Variants in DNAH12 observed in about 807,000 individuals in gnomAD.
DNAH12 encodes axonemal beta dynein heavy chain 12.
A neutral mutation model predicts 371.5 loss-of-function variants in DNAH12; 285 were observed. The observed-to-expected ratio is 0.77, with a 90% CI of 0.70 to 0.85. DNAH12 has a LOEUF of 0.85. Among genes scored for constraint, DNAH12 ranks in the 40% least tolerant of loss-of-function variants. The probability of loss-of-function intolerance (pLI) is 0.00; values close to 1 mark genes in which losing one functional copy is unlikely to be tolerated. For synonymous variants in DNAH12, 1,200 were observed against 1,213.0 expected, an observed-to-expected ratio of 0.99 and a Z score of 0.22; for missense variants, 3,611 against 3,689.4, an observed-to-expected ratio of 0.98 and a Z score of 0.55.
chr3:57,308,685 G>C (rs1486915444), intron 69 of DNAH12, among the ~76,000 whole-genome samples: 2 of 151,982 alleles, frequency 1.3e-5, no homozygotes, highest in African/African-American at 2.4e-5. Flanking sequence ...ATATCTCCTG[G>C]TGCTATCCCC....
intron 60 of DNAH12, among the ~76,000 whole-genome samples, chr3:57,336,779 A>G (rs2062233912): frequency 6.6e-6 from 1 of 152,220 alleles, no homozygotes. Flanking sequence ...AACAAACTGA[A>G]AATCAGCAAC....
chr3:57,505,201 C>A (rs1443251975), intron 8 of DNAH12, among the ~76,000 whole-genome samples: 1 of 151,478 alleles, frequency 6.6e-6, no homozygotes, highest in Admixed American at 6.6e-5. Context: ...TCCATTCTTT[C>A]CAACTTTTTT....
Position 57,459,687 on chromosome 3 carries a change from C to T in DNAH12, c.2836G>A (p.Asp946Asn). The change falls in exon 20 of 74, where the codon GAT (aspartate) becomes AAT (asparagine). Residue 946 changes from aspartate (D) to asparagine (N), a missense_variant. Asp to Asn is a conservative substitution (Grantham distance 23). Transcript: ENST00000495027. The part of the protein sequence containing the change: ...LYLEPIFCSE[D>N]IMQQMPEEGR... ...TCTTCTGGCATCTGTTGCATGATAT[C>T]CTCAGAACAAAAGATGGGCTCTAAG... The T allele has an allele frequency of 6.5e-7, 1 of 1,549,600 alleles. No individual in the cohort carries two copies. Among genetic ancestry groups the T allele is most frequent in the Non-Finnish European group, 8.7e-7 (1 of 1,145,612 alleles).
upstream of DNAH12, among the ~76,000 whole-genome samples, chr3:57,546,838 T>C (rs1485836037): frequency 6.6e-6 from 1 of 152,080 alleles, no homozygotes. Flanking sequence ...CCTGACTCAA[T>C]CAGTAGAAAT....
Position 57,363,767 on chromosome 3 carries a change from G to C in DNAH12, c.9187C>G (p.Arg3063Gly), listed in dbSNP as rs1284315963. 1 of 151,948 alleles carries C rather than the reference G, an allele frequency of 6.6e-6. No individual in the cohort carries two copies. Among genetic ancestry groups the C allele is most frequent in the African/African-American group, 2.4e-5 (1 of 41,374 alleles). The allele number at this position is 151,948 out of a possible 1,614,324, so 9.4% of individuals were successfully genotyped here. Residue 3063 changes from arginine (R) to glycine (G), a missense_variant, in exon 58 of 74, where the codon CGA (arginine) becomes GGA (glycine). Physicochemically the swap from Arg to Gly is moderately radical, Grantham distance 125. Around this residue, in one of 3 missense-constraint regions of DNAH12, gnomAD observed 2,266 missense variants for 2,236.9 expected, o/e 1.01. Coordinates refer to ENST00000495027, the MANE Select transcript of DNAH12 (RefSeq NM_001366028.2). ...AKERPELEEERNALILQSAAN... is the reference protein window; with the variant it reads ...AKERPELEEEGNALILQSAAN... The stretch of plus-strand genomic sequence containing the variant: ...GCAGACTGAAGAATCAGGGCATTTC[G>C]TTCCTCTTCTAATTCTGGTCTAAAA...
At chr3:57,360,776 G>C (rs2062909441) in intron 58 of DNAH12, among the ~76,000 whole-genome samples, 1 of 152,198 alleles carries the variant, frequency 6.6e-6, no homozygotes, top group African/African-American at 2.4e-5. Context: ...TGAGTAATTA[G>C]TGCAATCTCT....
rs1369174219 is a variant in DNAH12 at position 57,408,470 on chromosome 3, G to A, written c.6086C>T (p.Pro2029Leu). Reference sequence around the variant, plus strand: ...AACTGGATTTCTTCCACCACCTGGAGGGCCCATTGCAGCAATCAGCTCTAT... The same window carrying A: ...AACTGGATTTCTTCCACCACCTGGAAGGCCCATTGCAGCAATCAGCTCTAT... ...VDIELIAAMG[P>L]PGGGRNPVTP... is the part of the protein sequence containing the mutation. Residue 2029 changes from proline (P) to leucine (L), a missense_variant, in exon 40 of 74, where the codon CCT (proline) becomes CTT (leucine). This residue lies in a region of DNAH12 where 2,266 missense variants were observed against 2,236.9 expected (regional missense o/e 1.01). Coordinates refer to ENST00000495027, the MANE Select transcript of DNAH12 (RefSeq NM_001366028.2). 1.9e-6 allele frequency: 3 copies of A among 1,551,416 alleles called. No homozygotes were observed. Among genetic ancestry groups the A allele is most frequent in the African/African-American group, 2.7e-5 (2 of 73,038 alleles).
At chr3:57,433,927 T>C (rs756835059) in intron 30 of DNAH12, 99 bp from the exon 31 acceptor site, 94 of 1,060,044 alleles carry the variant, frequency 8.9e-5, no homozygotes, top group Non-Finnish European at 1.1e-4. Context: ...TTACTACTTA[T>C]AATTTTTGAA....
In DNAH12 at chr3:57,504,001, G is replaced by T. The variant is rs780161052; in HGVS notation, c.1086+15C>A. ...ATAATTTAAAATTCTTTCCCGATGG[G>T]TAAAGATGTAATACCTGCAGAGCTT... On this transcript the variant is annotated intron_variant, in intron 9 of 73. Coordinates refer to ENST00000495027, the MANE Select transcript of DNAH12 (RefSeq NM_001366028.2). The T allele has an allele frequency of 6.2e-7, 1 of 1,601,152 alleles. No individual in the cohort carries two copies. The highest frequency in any genetic ancestry group is 2.2e-5 in the East Asian group (1 of 44,636).
At chr3:57,432,819 T>G (rs1372000761) in intron 32 of DNAH12, among the ~76,000 whole-genome samples, 2 of 152,178 alleles carry the variant, frequency 1.3e-5, no homozygotes, top group Non-Finnish European at 2.9e-5. Context: ...GTGTCATTTT[T>G]TAGGTGATGA....
In DNAH12 at chr3:57,387,186, C is replaced by A. The variant is rs1367435898; in HGVS notation, c.7339G>T (p.Val2447Leu). The A allele has an allele frequency of 1.3e-5, 2 of 152,160 alleles. No individual in the cohort carries two copies. The highest frequency in any genetic ancestry group is 2.9e-5 in the Non-Finnish European group (2 of 68,038). The allele number at this position is 152,160 out of a possible 1,614,324, so 9.4% of individuals were successfully genotyped here. Residue 2447 changes from valine (V) to leucine (L), a missense_variant, in exon 46 of 74, where the codon GTG becomes TTG. Val to Leu is a conservative substitution (Grantham distance 32). Coordinates refer to ENST00000495027, the MANE Select transcript of DNAH12 (RefSeq NM_001366028.2). ...AGCTCCAGTGTTTCTAAGAATTTCA[C>A]AGCTACACGTTCAAGAGCATCTTCA... Reference protein sequence around the residue: ...WPEDALERVAVKFLETLELTE... With the variant: ...WPEDALERVALKFLETLELTE...
intron 58 of DNAH12, among the ~76,000 whole-genome samples, chr3:57,359,609 A>G (rs958426038): frequency 3.3e-5 from 5 of 151,138 alleles, no homozygotes; most frequent in Non-Finnish European, 7.4e-5. Context: ...CTGTGAGTAT[A>G]TGTTAAGATG....
intron 13 of DNAH12, among the ~76,000 whole-genome samples, chr3:57,479,123 G>A (rs2066642774): frequency 7.1e-6 from 1 of 141,086 alleles, no homozygotes; most frequent in East Asian, 2.0e-4. Context: ...AAAAGACACA[G>A]ACTGGCAAAT....
rs1418375408 is a variant in DNAH12, at chr3:57,458,235, T to G, written c.2932-15A>C. ...GCAGCAAGAACCTAAACGAGACACA[T>G]GCATTCAAGTCAGCACTTTTATGCC... On this transcript the variant is annotated splice_polypyrimidine_tract_variant and intron_variant, in intron 20 of 73. Transcript: ENST00000495027. The G allele has an allele frequency of 1.4e-5, 21 of 1,536,814 alleles. No individual in the cohort carries two copies. Among genetic ancestry groups the G allele is most frequent in the Non-Finnish European group, 1.7e-5 (19 of 1,143,190 alleles).
rs1313471157 is a variant in DNAH12 at position 57,394,244 on chromosome 3, T to A, written c.7037A>T (p.Asp2346Val). ...TQIKEEAFLE[D>V]IDSVLNTGEV... Reference sequence around the variant, plus strand: ...TCCTGTATTGAGCACACTGTCGATATCCTCTAGGAAAGCTTCCTCTTTAAT... The same window carrying A: ...TCCTGTATTGAGCACACTGTCGATAACCTCTAGGAAAGCTTCCTCTTTAAT... Residue 2346 changes from aspartate to valine, a missense_variant, in exon 44 of 74, where the codon GAT becomes GTT. Asp to Val is a radical substitution (Grantham distance 152). This residue lies in a region of DNAH12 where 2,266 missense variants were observed against 2,236.9 expected (regional missense o/e 1.01). Coordinates refer to ENST00000495027, the MANE Select transcript of DNAH12 (RefSeq NM_001366028.2). 2 of 152,206 alleles carry A rather than the reference T, an allele frequency of 1.3e-5. No homozygotes were observed. Among genetic ancestry groups the A allele is most frequent in the Non-Finnish European group, 2.9e-5 (2 of 68,034 alleles). 9.4% of individuals were successfully genotyped at this position (152,206 alleles called of 1,614,324 possible).
intron 11 of DNAH12, among the ~76,000 whole-genome samples, chr3:57,494,106 G>A (rs139631162): frequency 2.4e-4 from 36 of 152,260 alleles, no homozygotes; most frequent in African/African-American, 8.4e-4. Flanking sequence ...GATGGCACAC[G>A]CCTGTTGTTC....
chr3:57,402,697 GA>G (rs2063908191), intron 43 of DNAH12, among the ~76,000 whole-genome samples: 3 of 152,206 alleles, frequency 2.0e-5, no homozygotes, highest in East Asian at 3.8e-4. Context: ...GAGGCAGACA[GA>G]GGAGGATAAA....
intron 12 of DNAH12, among the ~76,000 whole-genome samples, chr3:57,484,460 A>G (rs1032401792): frequency 1.3e-5 from 2 of 152,158 alleles, no homozygotes; most frequent in Non-Finnish European, 1.5e-5. Flanking sequence ...TGGGGAAAGG[A>G]CACCCTATTC....
intron 70 of DNAH12, among the ~76,000 whole-genome samples, chr3:57,300,118 A>C (rs904843207): frequency 6.6e-6 from 1 of 152,172 alleles, no homozygotes; most frequent in Non-Finnish European, 1.5e-5. Flanking sequence ...TTCTTTGCAG[A>C]TAGCCTCTTC....
Sources: gnomAD v4.1 joint callset for allele counts (sites outside exome capture counted in the v4.1 genomes callset) on GRCh38, gnomAD v4.1.1 for gene constraint, gnomAD v4.1.1 regional missense constraint, MANE v1.5 for transcripts, NCBI Gene and HGNC (gene_info 2026-07-23, HGNC 2026-07-21) for gene names.